Variants in HS6ST3 observed in about 807,000 individuals in gnomAD.
HS6ST3 encodes heparan-sulfate 6-O-sulfotransferase 3.
A neutral mutation model predicts 36.7 loss-of-function variants in HS6ST3; 12 were observed. The ratio of observed to expected loss-of-function variants is 0.33; its 90% confidence interval spans 0.21 to 0.53. HS6ST3 has a LOEUF of 0.53. Ranked by LOEUF, HS6ST3 falls within the 20% of genes least tolerant of loss-of-function variation. The pLI is 0.95. For synonymous variants in HS6ST3, 240 were observed against 257.5 expected, an observed-to-expected ratio of 0.93 and a Z score of 0.65; for missense variants, 584 against 640.9, an observed-to-expected ratio of 0.91 and a Z score of 0.96.
Position 96,212,650 on chromosome 13 carries a change from T to C in HS6ST3, c.707+121081T>C, listed in dbSNP as rs551431039. 3.9e-5 allele frequency among the ~76,000 whole-genome samples: 6 copies of C among 152,274 alleles called. 1 individual carries two copies. The highest frequency in any genetic ancestry group is 1.4e-4 in the African/African-American group (6 of 41,556). On this transcript the variant is annotated intron_variant, in intron 1 of 1. Transcript: ENST00000376705. ...AAGCTAGGAGTTTGAGGTTTGAAGA[T>C]GGGTCTCAAGTGCTAAGTTACTTTC...
chr13:96,164,278 C>T (rs1490868784), intron 1 of HS6ST3, among the ~76,000 whole-genome samples: 3 of 152,112 alleles, frequency 2.0e-5, no homozygotes, highest in Non-Finnish European at 1.5e-5. Flanking sequence ...TAGTGTTAAG[C>T]GTTTGCAGTA....
intron 1 of HS6ST3, among the ~76,000 whole-genome samples, chr13:96,495,190 C>T (rs555655979): frequency 3.3e-5 from 5 of 152,178 alleles, no homozygotes; most frequent in Non-Finnish European, 5.9e-5. Context: ...TTATCAAATG[C>T]GTTTAAGAAT....
intron 1 of HS6ST3, among the ~76,000 whole-genome samples, chr13:96,102,029 T>C (rs1233128295): frequency 5.3e-5 from 8 of 152,334 alleles, no homozygotes; most frequent in East Asian, 1.9e-4. Context: ...ATGTGCACTT[T>C]GTTGGTCCGA....
chr13:96,442,600 T>C (rs1360928594), intron 1 of HS6ST3, among the ~76,000 whole-genome samples: 5 of 151,894 alleles, frequency 3.3e-5, no homozygotes, highest in Admixed American at 2.0e-4. Flanking sequence ...GGATGAGAAT[T>C]TAAAAAATGA....
intron 1 of HS6ST3, among the ~76,000 whole-genome samples, chr13:96,765,088 A>G (rs1201851059): frequency 1.9e-5 from 2 of 107,038 alleles, no homozygotes; most frequent in African/African-American, 3.8e-5. Flanking sequence ...TTTTTTTGAG[A>G]CGGAGTCTCG....
intron 1 of HS6ST3, among the ~76,000 whole-genome samples, chr13:96,279,177 A>G (rs909961896): frequency 1.3e-5 from 2 of 152,194 alleles, no homozygotes; most frequent in Non-Finnish European, 2.9e-5. Flanking sequence ...AAGCTTGAAT[A>G]GCCAAAGTTC....
chr13:96,111,087 ATAAAAT>A (rs1378693101), intron 1 of HS6ST3, among the ~76,000 whole-genome samples: 1 of 152,346 alleles, frequency 6.6e-6, no homozygotes, highest in South Asian at 2.1e-4. Context: ...ATTTTAAAAA[ATAAAAT>A]TAAAATTCTA....
intron 1 of HS6ST3, among the ~76,000 whole-genome samples, chr13:96,259,017 T>C (rs987933761): frequency 1.3e-5 from 2 of 151,996 alleles, no homozygotes; most frequent in African/African-American, 2.4e-5. Flanking sequence ...CAAGCAGATA[T>C]AGTGAGGGGA....
chr13:96,283,079 C>G (rs577118392), intron 1 of HS6ST3, among the ~76,000 whole-genome samples: 1 of 152,256 alleles, frequency 6.6e-6, no homozygotes, highest in South Asian at 2.1e-4. Flanking sequence ...ATCTGCTATC[C>G]CAGACTCAAT....
intron 1 of HS6ST3, among the ~76,000 whole-genome samples, chr13:96,531,700 A>G (rs536162270): frequency 6.6e-6 from 1 of 152,308 alleles, no homozygotes; most frequent in South Asian, 2.1e-4. Context: ...CAAATGAGAC[A>G]ACGACAATCG....
intron 1 of HS6ST3, among the ~76,000 whole-genome samples, chr13:96,743,470 G>T (rs1020668995): frequency 7.9e-5 from 12 of 152,004 alleles, no homozygotes; most frequent in Non-Finnish European, 1.8e-4. Context: ...TGGAGAACAT[G>T]GTCATTAAGC....
chr13:96,279,800 A>C lies in HS6ST3; in HGVS notation c.707+188231A>C, dbSNP rs187641274. Among the ~76,000 whole-genome samples the C allele has an allele frequency of 1.2e-4, 18 of 152,230 alleles. 1 individual carries two copies. Among genetic ancestry groups the C allele is most frequent in the Non-Finnish European group, 2.5e-4 (17 of 68,020 alleles). On this transcript the variant is annotated intron_variant, in intron 1 of 1. Transcript: ENST00000376705. ...CTTCTTTAATTCTGTATTGGGAGTA[A>C]TTTGGCAATGTTTGGAGATTCTGAA...
At chr13:96,781,524 T>C (rs900449555) in intron 1 of HS6ST3, among the ~76,000 whole-genome samples, 2 of 152,242 alleles carry the variant, frequency 1.3e-5, no homozygotes, top group Admixed American at 1.3e-4. Context: ...CTGATCTTGA[T>C]ATTCAGTAGC....
intron 1 of HS6ST3, among the ~76,000 whole-genome samples, chr13:96,509,780 T>A (rs2056041634): frequency 6.6e-6 from 1 of 152,232 alleles, no homozygotes; most frequent in African/African-American, 2.4e-5. Context: ...GGTGATATTA[T>A]GCTTCCAGAT....
rs972413193 is a variant in HS6ST3, at chr13:96,825,636, G to T, written c.708-6854G>T. Among the ~76,000 whole-genome samples, 9 of 152,266 alleles carry T rather than the reference G, an allele frequency of 5.9e-5. No individual in the cohort carries two copies. In the Middle Eastern group the frequency reaches 0.01, roughly 173 times the overall value. On this transcript the variant is annotated intron_variant, in intron 1 of 1. Coordinates refer to ENST00000376705, the MANE Select transcript of HS6ST3 (RefSeq NM_153456.4). ...TAATACTGTTTAATACTTTAATACT[G>T]TTGCTGAATGAGTCTTTCTAAATTA...
chr13:96,827,930 C>A (rs569439845), intron 1 of HS6ST3, among the ~76,000 whole-genome samples: 1 of 152,148 alleles, frequency 6.6e-6, no homozygotes, highest in African/African-American at 2.4e-5. Context: ...AGGACTAAAG[C>A]AGGATTAATA....
chr13:96,550,442 A>G (rs2056215457), intron 1 of HS6ST3, among the ~76,000 whole-genome samples: 1 of 152,154 alleles, frequency 6.6e-6, no homozygotes, highest in South Asian at 2.1e-4. Context: ...TGTGAGCCAA[A>G]TGAAGGTTTT....
chr13:96,624,695 G>T (rs2056506246), intron 1 of HS6ST3, among the ~76,000 whole-genome samples: 1 of 152,080 alleles, frequency 6.6e-6, no homozygotes. Context: ...GAGACATGTG[G>T]TATTTGGTTT....
intron 1 of HS6ST3, among the ~76,000 whole-genome samples, chr13:96,630,056 A>T (rs1399508639): frequency 2.0e-5 from 3 of 152,194 alleles, no homozygotes; most frequent in Admixed American, 6.5e-5. Flanking sequence ...AATGTTATTT[A>T]AAAACTTTTA....
Sources: gnomAD v4.1 joint callset for allele counts (sites outside exome capture counted in the v4.1 genomes callset) on GRCh38, gnomAD v4.1.1 for gene constraint, MANE v1.5 for transcripts, NCBI Gene and HGNC (gene_info 2026-07-23, HGNC 2026-07-21) for gene names.